TENM3: variants seen among roughly 807,000 people sequenced by gnomAD.
TENM3 encodes the protein teneurin transmembrane protein 3.
A neutral mutation model predicts 255.1 loss-of-function variants in TENM3; 63 were observed. That is an observed-to-expected ratio of 0.25 (90% CI 0.20 to 0.30). TENM3 has a LOEUF of 0.30. Ranked by LOEUF, TENM3 falls within the 10% of genes least tolerant of loss-of-function variation. The pLI, the probability that TENM3 is intolerant of heterozygous loss-of-function variation, is 1.00. For synonymous variants in TENM3, 1,306 were observed against 1,322.3 expected, an observed-to-expected ratio of 0.99 and a Z score of 0.27; for missense variants, 2,929 against 3,461.1, an observed-to-expected ratio of 0.85 and a Z score of 3.86.
chr4:181,469,672 C>T, the TENM3 span, among the ~76,000 whole-genome samples: 30,861 of 76,528 alleles, frequency 0.4, 3,327 homozygotes, highest in Non-Finnish European at 0.53. Context: ...ATACCAATTC[C>T]AGAAAATTGT....
At chr4:182,682,886 C>A (rs917806417) in intron 11 of TENM3, among the ~76,000 whole-genome samples, 1 of 151,942 alleles carries the variant, frequency 6.6e-6, no homozygotes, top group Non-Finnish European at 1.5e-5. Flanking sequence ...ATGAAAAATT[C>A]TAAATCAATA....
At chr4:182,715,923 T>C (rs543981981) in intron 13 of TENM3, among the ~76,000 whole-genome samples, 2 of 152,240 alleles carry the variant, frequency 1.3e-5, no homozygotes, top group African/African-American at 4.8e-5. Flanking sequence ...TCAAGAAACT[T>C]GAGCCACAAA....
chr4:182,653,984 G>T, intron 6 of TENM3, 91 bp downstream of exon 6: 1 of 1,248,526 alleles, frequency 8.0e-7, no homozygotes, highest in Non-Finnish European at 1.1e-6. Context: ...TAGTTTAGAT[G>T]GAACAGGGAA....
chr4:181,565,644 GA>G, the TENM3 span, among the ~76,000 whole-genome samples: 1 of 152,170 alleles, frequency 6.6e-6, no homozygotes, highest in Admixed American at 6.5e-5. Flanking sequence ...AAATCTTAAA[GA>G]ATGCATGTAC....
chr4:182,387,573 G>A (rs1287547422), intron 3 of TENM3, among the ~76,000 whole-genome samples: 2 of 152,098 alleles, frequency 1.3e-5, no homozygotes, highest in African/African-American at 4.8e-5. Context: ...CTCATTGTTT[G>A]GGTCCACGCT....
chr4:181,709,820 A>C, the TENM3 span, among the ~76,000 whole-genome samples: 2 of 152,336 alleles, frequency 1.3e-5, no homozygotes, highest in South Asian at 2.1e-4. Flanking sequence ...AGCGTTCAGA[A>C]GATTTTTTTG....
At chr4:182,037,920 C>T in the TENM3 span, among the ~76,000 whole-genome samples, 1 of 152,192 alleles carries the variant, frequency 6.6e-6, no homozygotes, top group Non-Finnish European at 1.5e-5. Context: ...CAGCCTCAAA[C>T]TCTTAGGCTC....
the TENM3 span, among the ~76,000 whole-genome samples, chr4:181,760,999 C>CACACACACACACACACACAT: frequency 1.2e-3 from 171 of 145,622 alleles, 2 homozygotes; most frequent in African/African-American, 4.0e-3. Flanking sequence ...CACACACACA[C>CACACACACACACACACACAT]ACACACACAC....
chr4:181,454,046 G>A, the TENM3 span, among the ~76,000 whole-genome samples: 1 of 152,276 alleles, frequency 6.6e-6, no homozygotes, highest in Non-Finnish European at 1.5e-5. Flanking sequence ...ATTAATGGAA[G>A]TAATGTCTGT....
At chr4:182,025,343 T>C in the TENM3 span, among the ~76,000 whole-genome samples, 3 of 152,188 alleles carry the variant, frequency 2.0e-5, no homozygotes, top group African/African-American at 7.2e-5. Context: ...TTCATTCTTT[T>C]TATGGTTGAA....
the TENM3 span, among the ~76,000 whole-genome samples, chr4:181,769,060 G>T: frequency 6.6e-6 from 1 of 152,074 alleles, no homozygotes; most frequent in Non-Finnish European, 1.5e-5. Flanking sequence ...TTTTTGATAT[G>T]TGAATTTCAT....
chr4:181,454,855 A>G, the TENM3 span, among the ~76,000 whole-genome samples: 38 of 151,946 alleles, frequency 2.5e-4, no homozygotes, highest in Middle Eastern at 3.4e-3. Flanking sequence ...CTACTTTTGT[A>G]TGGTTAGATA....
the TENM3 span, among the ~76,000 whole-genome samples, chr4:181,804,786 C>G: frequency 0.5 from 75,776 of 151,908 alleles, 20,312 homozygotes; most frequent in Non-Finnish European, 0.62. Context: ...GAGGCAGGAG[C>G]ATCTCTTGAG....
At chr4:182,201,264 A>G (rs1159393616) in intron 1 of TENM3, among the ~76,000 whole-genome samples, 2 of 152,194 alleles carry the variant, frequency 1.3e-5, no homozygotes, top group African/African-American at 4.8e-5. Flanking sequence ...ATCTGTATTC[A>G]TTTTAATGTT....
chr4:182,145,999 T>G (rs572712515), intron 1 of TENM3, among the ~76,000 whole-genome samples: 2 of 152,270 alleles, frequency 1.3e-5, no homozygotes, highest in African/African-American at 4.8e-5. Flanking sequence ...GTATTGTAAC[T>G]GAACAGAACT....
intron 3 of TENM3, among the ~76,000 whole-genome samples, chr4:182,515,079 T>G (rs1306382372): frequency 2.0e-5 from 3 of 152,210 alleles, no homozygotes; most frequent in Non-Finnish European, 4.4e-5. Context: ...GAAGACAATT[T>G]ATCATTTAAG....
At chr4:182,493,562 C>T (rs913572892) in intron 3 of TENM3, among the ~76,000 whole-genome samples, 2 of 152,046 alleles carry the variant, frequency 1.3e-5, no homozygotes, top group African/African-American at 2.4e-5. Context: ...TTACGGCACT[C>T]ATATGAAAAG....
chr4:181,990,443 C>T, the TENM3 span, among the ~76,000 whole-genome samples: 9 of 152,062 alleles, frequency 5.9e-5, no homozygotes, highest in Non-Finnish European at 4.4e-5. Context: ...CCAGTGTCCT[C>T]AATCAGACCT....
At chr4:181,686,222 G>A in the TENM3 span, among the ~76,000 whole-genome samples, 1 of 152,124 alleles carries the variant, frequency 6.6e-6, no homozygotes, top group East Asian at 1.9e-4. Context: ...CATCCCGACA[G>A]CATAAATAAC....
Sources: gnomAD v4.1 joint callset for allele counts (sites outside exome capture counted in the v4.1 genomes callset) on GRCh38, gnomAD v4.1.1 for gene constraint, MANE v1.5 for transcripts, NCBI Gene and HGNC (gene_info 2026-07-23, HGNC 2026-07-21) for gene names.